Variants in AUH observed in about 807,000 individuals in gnomAD.
AUH encodes AU RNA binding methylglutaconyl-CoA hydratase.
AUH carries 29 observed loss-of-function variants against 42.3 expected under a neutral mutation model. The observed-to-expected ratio is 0.69, with a 90% CI of 0.51 to 0.93. The LOEUF is 0.93. Among genes scored for constraint, AUH ranks in the 40% least tolerant of loss-of-function variants. AUH has a pLI of 0.00. For missense variants in AUH, 452 were observed against 438.1 expected, an observed-to-expected ratio of 1.03 and a Z score of -0.28; for synonymous variants, 174 against 166.4, an observed-to-expected ratio of 1.05 and a Z score of -0.35.
chr9:91,297,505 AAC>A (rs1827441299), intron 5 of AUH, among the ~76,000 whole-genome samples: 2 of 152,314 alleles, frequency 1.3e-5, no homozygotes, highest in Admixed American at 1.3e-4. Context: ...TCACAACAGC[AAC>A]AGTCATTTCC....
chr9:91,308,068 C>A (rs2131733400), intron 4 of AUH, among the ~76,000 whole-genome samples: 1 of 152,216 alleles, frequency 6.6e-6, no homozygotes, highest in East Asian at 1.9e-4. Flanking sequence ...ACACACAGAA[C>A]AAACCAGAGA....
Position 91,251,022 on chromosome 9 carries a change from C to T in AUH, c.656-30030G>A, listed in dbSNP as rs188658396. 2.2e-4 allele frequency among the ~76,000 whole-genome samples: 33 copies of T among 152,324 alleles called. No individual in the cohort carries two copies. The East Asian group carries it at 6.0e-3, about 28-fold the overall frequency. Reference sequence around the variant, plus strand: ...AGCACATGGGTGAGCTGTGAGCCCACCACACACGGCTGCAGCAGAAGAGAT... The same window carrying T: ...AGCACATGGGTGAGCTGTGAGCCCATCACACACGGCTGCAGCAGAAGAGAT... On this transcript the variant is annotated intron_variant, in intron 6 of 9. Transcript: ENST00000375731.
At chr9:91,252,260 C>T (rs987315338) in intron 6 of AUH, among the ~76,000 whole-genome samples, 4 of 151,968 alleles carry the variant, frequency 2.6e-5, no homozygotes, top group Admixed American at 6.6e-5. Context: ...CCACCGCAGC[C>T]GGCCGAATTT....
chr9:91,225,449 T>C (rs1418915133), intron 6 of AUH, among the ~76,000 whole-genome samples: 1 of 152,224 alleles, frequency 6.6e-6, no homozygotes, highest in Non-Finnish European at 1.5e-5. Context: ...CAGTTGACTA[T>C]TTTACACCAG....
chr9:91,249,985 C>A (rs1444847206), intron 6 of AUH, among the ~76,000 whole-genome samples: 1 of 147,706 alleles, frequency 6.8e-6, no homozygotes, highest in Non-Finnish European at 1.5e-5. Context: ...GCACTCCAGC[C>A]TGGAGACAGA....
At chr9:91,343,415 A>G (rs1264395855) in intron 3 of AUH, among the ~76,000 whole-genome samples, 3 of 152,248 alleles carry the variant, frequency 2.0e-5, no homozygotes, top group Non-Finnish European at 4.4e-5. Context: ...AACAAAAGTG[A>G]CTAATGTTTT....
chr9:91,345,582 C>G (rs1028908121), intron 3 of AUH, among the ~76,000 whole-genome samples: 4 of 152,036 alleles, frequency 2.6e-5, no homozygotes, highest in African/African-American at 4.8e-5. Flanking sequence ...GCCTGTAATC[C>G]CAGCACTTTG....
intron 4 of AUH, among the ~76,000 whole-genome samples, chr9:91,313,621 C>T (rs1029592955): frequency 1.4e-5 from 2 of 146,764 alleles, no homozygotes; most frequent in Admixed American, 6.9e-5. Flanking sequence ...AGGAGAATGG[C>T]GTGAACCCGG....
At chr9:91,276,594 C>T (rs1825563430) in intron 6 of AUH, among the ~76,000 whole-genome samples, 1 of 152,088 alleles carries the variant, frequency 6.6e-6, no homozygotes, top group South Asian at 2.1e-4. Context: ...TTTCGAAACT[C>T]AACAAAGGTT....
intron 6 of AUH, chr9:91,294,715 A>G (rs1461432218): frequency 2.2e-6 from 1 of 455,922 alleles, no homozygotes; most frequent in Non-Finnish European, 4.4e-6. Context: ...CCAGAATATC[A>G]ATATTAACAG....
intron 6 of AUH, among the ~76,000 whole-genome samples, chr9:91,248,063 T>C (rs995431137): frequency 9.2e-5 from 14 of 152,252 alleles, no homozygotes; most frequent in Admixed American, 7.9e-4. Context: ...ATGTTCTTGG[T>C]GTCTCATCTA....
At chr9:91,218,604 A>G in intron 7 of AUH, 1 of 984,822 alleles carries the variant, frequency 1.0e-6, no homozygotes, top group Non-Finnish European at 1.2e-6. Flanking sequence ...TGGGAAGTAA[A>G]GTTTAGAAAG....
intron 6 of AUH, 36 bp downstream of exon 6, chr9:91,295,985 T>C: frequency 3.7e-6 from 6 of 1,611,948 alleles, no homozygotes; most frequent in Non-Finnish European, 5.1e-6. Flanking sequence ...TAGGACCAAA[T>C]CAAGGATTTG....
intron 3 of AUH, among the ~76,000 whole-genome samples, chr9:91,332,725 A>G (rs976373356): frequency 1.3e-5 from 2 of 152,164 alleles, no homozygotes; most frequent in African/African-American, 2.4e-5. Context: ...GTGGCTGAAT[A>G]TACATATTTA....
chr9:91,294,682 C>T (rs1387126316), intron 6 of AUH: 1 of 455,842 alleles, frequency 2.2e-6, no homozygotes, highest in Admixed American at 2.4e-5. Flanking sequence ...CCTTTAAGAA[C>T]ATTCATGATT....
intron 6 of AUH, among the ~76,000 whole-genome samples, chr9:91,287,233 T>C (rs1472565757): frequency 1.3e-5 from 2 of 152,110 alleles, no homozygotes; most frequent in South Asian, 2.1e-4. Flanking sequence ...ATAATCTTAA[T>C]TTATTCATGA....
At chr9:91,316,681 G>C (rs1207962748) in intron 4 of AUH, among the ~76,000 whole-genome samples, 1 of 152,124 alleles carries the variant, frequency 6.6e-6, no homozygotes, top group African/African-American at 2.4e-5. Context: ...CTCTACCTCT[G>C]TGTGAAATGT....
Position 91,232,705 on chromosome 9 carries a change from G to A in AUH, c.656-11713C>T, listed in dbSNP as rs578155689. Reference sequence around the variant, plus strand: ...TCCCTTTCTAATGTGTGAATGCTTAGAATATACAAGGGGATTTCTAAGGCT... The same window carrying A: ...TCCCTTTCTAATGTGTGAATGCTTAAAATATACAAGGGGATTTCTAAGGCT... On this transcript the variant is annotated intron_variant, in intron 6 of 9. Coordinates refer to ENST00000375731, the MANE Select transcript of AUH (RefSeq NM_001698.3). Among the ~76,000 whole-genome samples the A allele has an allele frequency of 1.1e-4, 17 of 152,336 alleles. No homozygotes were observed. The South Asian group carries it at 3.1e-3, about 28-fold the overall frequency.
In AUH at chr9:91,230,731, T is replaced by C. The variant is rs1009631308; in HGVS notation, c.656-9739A>G. Among the ~76,000 whole-genome samples, 119 of 152,286 alleles carry C rather than the reference T, an allele frequency of 7.8e-4. 1 individual carries two copies. Among genetic ancestry groups the C allele is most frequent in the African/African-American group, 2.8e-3 (115 of 41,582 alleles). On this transcript the variant is annotated intron_variant, in intron 6 of 9. Transcript: ENST00000375731. ...TGATGGTGATGTACAGATGGGTTTT[T>C]GGTGTGGATGTCCTTTCTGTTTGTT... is the stretch of plus-strand genomic sequence containing the variant.
Sources: gnomAD v4.1 joint callset for allele counts (sites outside exome capture counted in the v4.1 genomes callset) on GRCh38, gnomAD v4.1.1 for gene constraint, MANE v1.5 for transcripts, NCBI Gene and HGNC (gene_info 2026-07-23, HGNC 2026-07-21) for gene names.